Variants in SLC5A4 observed in about 807,000 individuals in gnomAD.
SLC5A4 encodes solute carrier family 5 member 4, also known as probable glucose sensor protein SLC5A4.
In SLC5A4, 55 loss-of-function variants were observed where a neutral mutation model predicts 70.3. The observed-to-expected ratio is 0.78, with a 90% CI of 0.63 to 0.98. The LOEUF (loss-of-function observed/expected upper bound fraction) is 0.98. Among genes scored for constraint, SLC5A4 ranks in the 50% least tolerant of loss-of-function variants. The probability of loss-of-function intolerance (pLI) is 0.00; values close to 1 mark genes in which losing one functional copy is unlikely to be tolerated. For missense variants in SLC5A4, 735 were observed against 839.2 expected (o/e 0.88, Z 1.53); for synonymous variants, 268 against 305.7 (o/e 0.88, Z 1.29).
the SLC5A4 span, among the ~76,000 whole-genome samples, chr22:32,301,253 G>A: frequency 2.3e-4 from 35 of 152,262 alleles, 1 homozygote; most frequent in Admixed American, 1.6e-3. Context: ...AAGCCGCCAC[G>A]CCCAGCCACA....
chr22:32,226,544 AAG>A (rs2123876093), intron 11 of SLC5A4, among the ~76,000 whole-genome samples: 1 of 152,360 alleles, frequency 6.6e-6, no homozygotes, highest in Non-Finnish European at 1.5e-5. Context: ...CAGGAGACTG[AAG>A]CACAAATGTC....
chr22:32,311,341 GAC>G, the SLC5A4 span, among the ~76,000 whole-genome samples: 6 of 152,068 alleles, frequency 3.9e-5, no homozygotes, highest in African/African-American at 1.2e-4. Context: ...TGGGTCAGAG[GAC>G]ACACATGTTT....
chr22:32,247,217 C>T (rs973530985), intron 5 of SLC5A4, among the ~76,000 whole-genome samples, 194 bp downstream of exon 5: 14 of 152,282 alleles, frequency 9.2e-5, no homozygotes, highest in East Asian at 3.9e-4. Context: ...TACCACTCTA[C>T]GAACACAGGG....
chr22:32,336,254 T>G, the SLC5A4 span, among the ~76,000 whole-genome samples: 1 of 152,224 alleles, frequency 6.6e-6, no homozygotes, highest in Admixed American at 6.5e-5. Context: ...AGAGGGTGAT[T>G]AAGTGGAATT....
the SLC5A4 span, among the ~76,000 whole-genome samples, chr22:32,333,198 C>T: frequency 6.9e-6 from 1 of 145,836 alleles, no homozygotes; most frequent in Non-Finnish European, 1.5e-5. Context: ...GCACTGGCAC[C>T]CCCCCCCCAG....
the SLC5A4 span, among the ~76,000 whole-genome samples, chr22:32,290,112 G>C: frequency 0.48 from 73,472 of 151,846 alleles, 17,913 homozygotes; most frequent in Admixed American, 0.52. Context: ...TTTAAGTTCT[G>C]GGATGCATGT....
the SLC5A4 span, among the ~76,000 whole-genome samples, chr22:32,275,472 G>T: frequency 6.6e-6 from 1 of 152,042 alleles, no homozygotes; most frequent in Non-Finnish European, 1.5e-5. Flanking sequence ...GCGGTGTTTG[G>T]TTTTTTGTCC....
At chr22:32,246,619 C>G (rs1039315660) in intron 5 of SLC5A4, among the ~76,000 whole-genome samples, 16 of 152,080 alleles carry the variant, frequency 1.1e-4, no homozygotes, top group Admixed American at 7.9e-4. Flanking sequence ...CCTCTGCCTC[C>G]CGTGTTCAAG....
chr22:32,315,463 G>A, the SLC5A4 span, among the ~76,000 whole-genome samples: 3 of 152,176 alleles, frequency 2.0e-5, no homozygotes, highest in Non-Finnish European at 2.9e-5. Flanking sequence ...CTTGATGGAA[G>A]GGAGACAAGA....
chr22:32,304,523 C>CCCA, the SLC5A4 span, among the ~76,000 whole-genome samples: 1 of 152,194 alleles, frequency 6.6e-6, no homozygotes, highest in Non-Finnish European at 1.5e-5. Flanking sequence ...AAGTGACCTT[C>CCCA]CCGCCTCAGC....
chr22:32,244,197 C>T lies in SLC5A4; in HGVS notation c.477+3214G>A, dbSNP rs188079146. Reference sequence around the variant, plus strand: ...GTAACTCTATTGCACATTGGGGTTTCCCAGGAATACCAACTAATATTGAGG... The same window carrying T: ...GTAACTCTATTGCACATTGGGGTTTTCCAGGAATACCAACTAATATTGAGG... On this transcript the variant is annotated intron_variant, in intron 5 of 14. Transcript: ENST00000266086. Among the ~76,000 whole-genome samples the T allele has an allele frequency of 2.0e-5, 3 of 152,234 alleles. No homozygotes were observed. The East Asian group carries it at 5.8e-4, about 29-fold the overall frequency.
the SLC5A4 span, among the ~76,000 whole-genome samples, chr22:32,325,245 G>A: frequency 1.3e-5 from 2 of 152,364 alleles, no homozygotes; most frequent in South Asian, 2.1e-4. Flanking sequence ...AGTCAGGTGC[G>A]GGCCCTGCCC....
At chr22:32,275,567 A>G in the SLC5A4 span, among the ~76,000 whole-genome samples, 1 of 152,218 alleles carries the variant, frequency 6.6e-6, no homozygotes, top group Non-Finnish European at 1.5e-5. Context: ...TCATGGCTGC[A>G]TGGTATTCCA....
intron 4 of SLC5A4, 33 bp from the exon 5 acceptor site, chr22:32,247,548 T>C: frequency 7.3e-7 from 1 of 1,361,158 alleles, no homozygotes; most frequent in Admixed American, 1.7e-5. Context: ...GGACTTAACT[T>C]ACCCTTAGGG....
chr22:32,335,282 C>T, the SLC5A4 span, among the ~76,000 whole-genome samples: 1 of 151,962 alleles, frequency 6.6e-6, no homozygotes, highest in South Asian at 2.1e-4. Context: ...GAAGCAGATC[C>T]TGGGATACAA....
chr22:32,312,758 G>A, the SLC5A4 span, among the ~76,000 whole-genome samples: 14 of 151,982 alleles, frequency 9.2e-5, no homozygotes, highest in East Asian at 1.9e-4. Flanking sequence ...TGTCCTTCTC[G>A]GAGGCTGCAC....
the SLC5A4 span, among the ~76,000 whole-genome samples, chr22:32,303,771 C>T: frequency 6.6e-6 from 1 of 152,168 alleles, no homozygotes; most frequent in African/African-American, 2.4e-5. Context: ...CACCCATGTG[C>T]AGGTTTTGTG....
At chr22:32,300,556 G>C in the SLC5A4 span, among the ~76,000 whole-genome samples, 1 of 150,972 alleles carries the variant, frequency 6.6e-6, no homozygotes, top group African/African-American at 2.4e-5. Flanking sequence ...TGCGCCCACT[G>C]TCTGGCACTC....
chr22:32,261,159 C>T, the SLC5A4 span, among the ~76,000 whole-genome samples: 1 of 152,086 alleles, frequency 6.6e-6, no homozygotes, highest in African/African-American at 2.4e-5. Flanking sequence ...AAACAATATG[C>T]ACAGGGGAGA....
Sources: gnomAD v4.1 joint callset for allele counts (sites outside exome capture counted in the v4.1 genomes callset) on GRCh38, gnomAD v4.1.1 for gene constraint, MANE v1.5 for transcripts, NCBI Gene and HGNC (gene_info 2026-07-23, HGNC 2026-07-21) for gene names.